The following HDAC1 variants were observed in gnomAD, a reference collection of about 807,000 sequenced individuals.
HDAC1 encodes the protein protein deacetylase HDAC1.
Under a neutral mutation model 65.5 loss-of-function variants are expected in HDAC1, and 18 were observed. That is an observed-to-expected ratio of 0.27 (90% CI 0.19 to 0.41). The LOEUF (loss-of-function observed/expected upper bound fraction) is 0.41. Among genes scored for constraint, HDAC1 ranks in the 10% least tolerant of loss-of-function variants. The pLI is 1.00. For synonymous variants in HDAC1, 211 were observed against 227.9 expected, an observed-to-expected ratio of 0.93 and a Z score of 0.67; for missense variants, 373 against 625.2, an observed-to-expected ratio of 0.60 and a Z score of 4.30.
intron 2 of HDAC1, 117 bp from the exon 3 acceptor site, chr1:32,316,548 T>G (rs1641066649): frequency 6.0e-6 from 4 of 669,836 alleles, no homozygotes; most frequent in Non-Finnish European, 1.1e-5. Context: ...AGTTATTTCT[T>G]TTTATTCTTT....
chr1:32,314,555 G>C (rs566011479), intron 2 of HDAC1, among the ~76,000 whole-genome samples: 24 of 152,120 alleles, frequency 1.6e-4, no homozygotes, highest in African/African-American at 5.8e-4. Context: ...CGCCGGGCAA[G>C]GTGGCTCATG....
Position 32,331,658 on chromosome 1 carries a change from C to G in HDAC1, c.1089-18C>G. ...TGTCCCTGACCAGAGCCCTGCTACT[C>G]TCTCCCATTGGCCACAGACAGCGAC... On this transcript the variant is annotated intron_variant, in intron 10 of 13. Transcript: ENST00000373548. The surrounding 1 kb of genome is among the most constrained non-coding windows in gnomAD (Gnocchi z 4.2). 1.9e-6 allele frequency: 3 copies of G among 1,613,348 alleles called. No individual in the cohort carries two copies. Among genetic ancestry groups the G allele is most frequent in the Non-Finnish European group, 2.5e-6 (3 of 1,179,448 alleles).
intron 2 of HDAC1, among the ~76,000 whole-genome samples, chr1:32,315,335 T>C (rs1641045409): frequency 6.6e-6 from 1 of 151,794 alleles, no homozygotes; most frequent in African/African-American, 2.4e-5. Flanking sequence ...ATAATACGTA[T>C]ATATACATAT....
chr1:32,333,152 A>C lies in HDAC1; in HGVS notation c.*108A>C, dbSNP rs768989061. ...TGTGTATTTATATAAAAATTTATTA[A>C]ATATAAATATCCCCAGGGACAGAAA... On this transcript the variant is annotated 3_prime_UTR_variant, in exon 14 of 14. Transcript: ENST00000373548. The C allele has an allele frequency of 8.6e-6, 8 of 925,990 alleles. No homozygotes were observed. Among genetic ancestry groups the C allele is most frequent in the Non-Finnish European group, 1.3e-5 (8 of 621,340 alleles). The allele number at this position is 925,990 out of a possible 1,614,324, so 57.4% of individuals were successfully genotyped here.
intron 1 of HDAC1, among the ~76,000 whole-genome samples, chr1:32,301,174 C>T (rs151209345): frequency 2.2e-4 from 33 of 152,144 alleles, no homozygotes; most frequent in African/African-American, 6.7e-4. Context: ...TGGCCGGGCG[C>T]GGTGGCTCAT....
chr1:32,328,293 G>A (rs1429343825), intron 6 of HDAC1, among the ~76,000 whole-genome samples: 1 of 152,048 alleles, frequency 6.6e-6, no homozygotes, highest in Non-Finnish European at 1.5e-5. Context: ...GCCATGGCAA[G>A]CGTTAGAATA....
Position 32,326,986 on chromosome 1 carries a change from T to C in HDAC1, c.403T>C (p.Trp135Arg). The C allele has an allele frequency of 6.2e-7, 1 of 1,614,138 alleles. No homozygotes were observed. Residue 135 changes from tryptophan (W) to arginine (R), a missense_variant, in exon 5 of 14, where the codon TGG becomes CGG. Physicochemically the swap from Trp to Arg is moderately radical, Grantham distance 101. Transcript: ENST00000373548. The part of the protein sequence containing the change: ...NKQQTDIAVN[W>R]AGGLHHAKKS... ...GCAGCAGACGGACATCGCTGTGAAT[T>C]GGGCTGGGGGCCTGCACCATGCAAA...
At chr1:32,332,587 C>T in intron 12 of HDAC1, 114 bp from the exon 13 acceptor site, 1 of 782,398 alleles carries the variant, frequency 1.3e-6, no homozygotes, top group East Asian at 2.7e-5. Flanking sequence ...GGGCTTTTCT[C>T]TCTTTATGTC....
intron 1 of HDAC1, among the ~76,000 whole-genome samples, chr1:32,298,541 CTG>C (rs1640803993): frequency 6.6e-6 from 1 of 152,106 alleles, no homozygotes; most frequent in Non-Finnish European, 1.5e-5. Context: ...ACTTGAGAAA[CTG>C]AGTTTTGCAG....
At chr1:32,293,370 T>C (rs2124392769) in intron 1 of HDAC1, among the ~76,000 whole-genome samples, 1 of 151,330 alleles carries the variant, frequency 6.6e-6, no homozygotes, top group South Asian at 2.1e-4. Context: ...CATGAAGGGC[T>C]GGGCATGCTG....
intron 2 of HDAC1, among the ~76,000 whole-genome samples, chr1:32,306,308 G>A (rs914247362): frequency 2.0e-5 from 3 of 151,354 alleles, no homozygotes; most frequent in Admixed American, 6.6e-5. Context: ...ACAGGCATGC[G>A]CCACCACGGC....
chr1:32,313,944 A>G (rs1463301321), intron 2 of HDAC1, among the ~76,000 whole-genome samples: 2 of 152,196 alleles, frequency 1.3e-5, no homozygotes, highest in Admixed American at 6.5e-5. Flanking sequence ...GAAATGAATG[A>G]TTGAATTCAA....
chr1:32,308,243 T>TGGG (rs1005133228), intron 2 of HDAC1, among the ~76,000 whole-genome samples: 1 of 152,126 alleles, frequency 6.6e-6, no homozygotes, highest in African/African-American at 2.4e-5. Flanking sequence ...AGCTTGAACC[T>TGGG]GGGAGGCAGA....
chr1:32,321,069 A>T (rs1641136055), intron 3 of HDAC1, among the ~76,000 whole-genome samples: 1 of 151,166 alleles, frequency 6.6e-6, no homozygotes. Context: ...ATCTCTACTA[A>T]AAATACAAAA....
chr1:32,301,018 A>G (rs1307719502), intron 1 of HDAC1, among the ~76,000 whole-genome samples: 3 of 152,154 alleles, frequency 2.0e-5, no homozygotes, highest in Non-Finnish European at 4.4e-5. Flanking sequence ...CAAGGGCCAT[A>G]GTTTGCCTAC....
chr1:32,301,274 G>A (rs987838759), intron 1 of HDAC1, among the ~76,000 whole-genome samples: 22 of 151,372 alleles, frequency 1.5e-4, no homozygotes, highest in African/African-American at 5.1e-4. Context: ...ATGAAACCCC[G>A]TCTGTACTAA....
chr1:32,324,430 T>TG (rs1346735890), intron 3 of HDAC1, 49 bp from the exon 4 acceptor site: 3 of 1,296,526 alleles, frequency 2.3e-6, no homozygotes, highest in Non-Finnish European at 3.4e-6. Flanking sequence ...CATAAATATG[T>TG]AAACTAAAGG....
intron 1 of HDAC1, among the ~76,000 whole-genome samples, chr1:32,297,777 ATTTTTTTTTTTTTTTTT>A (rs71571709): frequency 1.4e-5 from 1 of 72,154 alleles, no homozygotes; most frequent in Admixed American, 1.6e-4. Context: ...CGCCTGGCTA[ATTTTTTTTTTTTTTTTT>A]TTTTTTTTTT....
Position 32,324,549 on chromosome 1 carries a change from T to G in HDAC1, c.351T>G (p.Ser117=). ...TCTGTCAGTTGTCTACTGGTGGTTC[T>G]GTGGGTAAGGAATATTCATCTTCTC... ...FEFCQLSTGG[S]VASAVKLNKQ... is the part of the protein sequence containing the mutation. The change falls in exon 4 of 14, where the codon TCT becomes TCG. Residue 117 remains serine, a synonymous_variant. Transcript: ENST00000373548. 6.2e-7 allele frequency: 1 copy of G among 1,606,566 alleles called. No homozygotes were observed. The highest frequency in any genetic ancestry group is 8.5e-7 in the Non-Finnish European group (1 of 1,173,060).
Sources: allele counts gnomAD v4.1 joint callset (sites outside exome capture counted in the v4.1 genomes callset), GRCh38; gene constraint gnomAD v4.1.1; non-coding constraint Gnocchi (gnomAD v3.1); transcripts MANE v1.5; gene names NCBI Gene and HGNC (gene_info 2026-07-23, HGNC 2026-07-21).